PIK3R4: variants seen among roughly 807,000 people sequenced by gnomAD.
PIK3R4 encodes the protein phosphoinositide 3-kinase regulatory subunit 4.
Under a neutral mutation model 136.5 loss-of-function variants are expected in PIK3R4, and 46 were observed. The observed-to-expected ratio is 0.34, with a 90% CI of 0.27 to 0.43. The LOEUF (loss-of-function observed/expected upper bound fraction) is 0.43, where lower values mean the gene tolerates loss of function less well. Ranked by LOEUF, PIK3R4 falls within the 20% of genes least tolerant of loss-of-function variation. PIK3R4 has a pLI of 1.00. For synonymous variants in PIK3R4, 557 were observed against 566.7 expected, an observed-to-expected ratio of 0.98 and a Z score of 0.24; for missense variants, 1,331 against 1,649.5, an observed-to-expected ratio of 0.81 and a Z score of 3.35.
In PIK3R4 at chr3:130,705,646, C is replaced by G; in HGVS notation, c.2847G>C (p.Gln949His). ...TCKTELQQLIQQKREQCNAER... is the reference protein window; with the variant it reads ...TCKTELQQLIHQKREQCNAER... ...CAGCATTGCACTGCTCCCGCTTTTGCTGGATGAGTTGCTGAAGTTCAGTTT... is the reference window on the plus strand; with the variant it reads ...CAGCATTGCACTGCTCCCGCTTTTGGTGGATGAGTTGCTGAAGTTCAGTTT... Residue 949 changes from glutamine to histidine, a missense_variant, in exon 12 of 20, where the codon CAG becomes CAC. By Grantham distance (24) the Gln-to-His change is conservative. Coordinates refer to ENST00000356763, the MANE Select transcript of PIK3R4 (RefSeq NM_014602.3). 1 of 1,613,602 alleles carries G rather than the reference C, an allele frequency of 6.2e-7. No individual in the cohort carries two copies. The highest frequency in any genetic ancestry group is 8.5e-7 in the Non-Finnish European group (1 of 1,179,540).
In PIK3R4 at chr3:130,681,608, C is replaced by A; in HGVS notation, c.3608-17G>T. 6.8e-7 allele frequency: 1 copy of A among 1,464,888 alleles called. No homozygotes were observed. Among genetic ancestry groups the A allele is most frequent in the Non-Finnish European group, 9.5e-7 (1 of 1,048,980 alleles). The allele number at this position is 1,464,888 out of a possible 1,614,324, so 90.7% of individuals were successfully genotyped here. ...CCTGAACAGCTAAAGGAAACAAAGGCCAGAATCTTGACTCAGACAAAAAGA... is the reference window on the plus strand; with the variant it reads ...CCTGAACAGCTAAAGGAAACAAAGGACAGAATCTTGACTCAGACAAAAAGA... On this transcript the variant is annotated splice_polypyrimidine_tract_variant and intron_variant, in intron 16 of 19. Coordinates refer to ENST00000356763, the MANE Select transcript of PIK3R4 (RefSeq NM_014602.3).
intron 13 of PIK3R4, among the ~76,000 whole-genome samples, chr3:130,703,167 G>T (rs1000165057): frequency 6.6e-5 from 10 of 151,998 alleles, no homozygotes; most frequent in Admixed American, 5.2e-4. Flanking sequence ...ACCTCACTCA[G>T]AGTCAAGGTC....
Position 130,686,453 on chromosome 3 carries a change from C to T in PIK3R4, c.3264-31G>A, listed in dbSNP as rs188472605. On this transcript the variant is annotated intron_variant, in intron 14 of 19. Coordinates refer to ENST00000356763, the MANE Select transcript of PIK3R4 (RefSeq NM_014602.3). Reference sequence around the variant, plus strand: ...GAAATACACAAAGCACAGACGTTTCCAGTCACTGAAAACATAGCACTAGTC... The same window carrying T: ...GAAATACACAAAGCACAGACGTTTCTAGTCACTGAAAACATAGCACTAGTC... The T allele has an allele frequency of 2.6e-3, 3,541 of 1,366,558 alleles. 7 individuals carry two copies. The highest frequency in any genetic ancestry group is 5.8e-3 in the South Asian group (494 of 85,904). 84.7% of individuals were successfully genotyped at this position (1,366,558 alleles called of 1,614,324 possible).
chr3:130,726,082 A>G (rs1320485946), intron 6 of PIK3R4: 1 of 152,100 alleles, frequency 6.6e-6, no homozygotes, highest in African/African-American at 2.4e-5. Context: ...CTATCCTAAG[A>G]AAATAATCAG....
intron 11 of PIK3R4, 82 bp downstream of exon 11, chr3:130,706,866 C>T: frequency 1.9e-6 from 2 of 1,079,486 alleles, no homozygotes. Flanking sequence ...TTTTCCACTA[C>T]AGTACACAGC....
intron 14 of PIK3R4, 125 bp downstream of exon 14, chr3:130,690,365 T>C (rs2066509584): frequency 2.3e-6 from 1 of 444,238 alleles, no homozygotes. Context: ...TTTTATGGGC[T>C]TAAAAAAAGA....
chr3:130,714,396 T>C (rs781245929), intron 9 of PIK3R4, among the ~76,000 whole-genome samples: 1 of 152,148 alleles, frequency 6.6e-6, no homozygotes, highest in Non-Finnish European at 1.5e-5. Context: ...AGATTTAACA[T>C]TTCTTTTTTT....
In PIK3R4 at chr3:130,690,612, C is replaced by T. The variant is rs147413868; in HGVS notation, c.3141G>A (p.Thr1047=). The change falls in exon 14 of 20, where the codon ACG becomes ACA. Residue 1047 remains threonine, a synonymous_variant. Coordinates refer to ENST00000356763, the MANE Select transcript of PIK3R4 (RefSeq NM_014602.3). The stretch of plus-strand genomic sequence containing the variant: ...AGTGGGAGCCTTGGCAGAATGTGAG[C>T]GTCTTGACTCGTCCTCCAATTCGGC... The part of the protein sequence containing the change: ...TYSRIGGRVK[T]LTFCQGSHYL... The T allele has an allele frequency of 3.7e-5, 59 of 1,610,378 alleles. No homozygotes were observed. The Middle Eastern group carries it at 5.0e-4, about 14-fold the overall frequency.
intron 17 of PIK3R4, 28 bp from the exon 18 acceptor site, chr3:130,681,093 TAA>T: frequency 1.7e-6 from 2 of 1,196,178 alleles, no homozygotes; most frequent in Non-Finnish European, 1.3e-6. Context: ...TGGAGTCAAA[TAA>T]AAGACATCCG....
intron 13 of PIK3R4, among the ~76,000 whole-genome samples, chr3:130,701,999 G>A (rs2066577225): frequency 6.6e-6 from 1 of 151,994 alleles, no homozygotes; most frequent in African/African-American, 2.4e-5. Context: ...TAATTAGCTG[G>A]GTGTGGTGGC....
intron 11 of PIK3R4, 94 bp from the exon 12 acceptor site, chr3:130,705,865 A>T (rs1404324383): frequency 1.5e-6 from 1 of 678,052 alleles, no homozygotes; most frequent in Non-Finnish European, 2.5e-6. Flanking sequence ...AAATTATAAC[A>T]GCTTTTTGTC....
intron 17 of PIK3R4, 55 bp from the exon 18 acceptor site, chr3:130,681,120 G>T: frequency 1.0e-6 from 1 of 976,076 alleles, no homozygotes. Flanking sequence ...TTCCATAAAT[G>T]ATAGTGCTAT....
At chr3:130,697,227 G>A (rs1029530534) in intron 13 of PIK3R4, among the ~76,000 whole-genome samples, 26 of 151,768 alleles carry the variant, frequency 1.7e-4, no homozygotes, top group Non-Finnish European at 2.8e-4. Flanking sequence ...GTGCCACCAC[G>A]CCTGGCAAAA....
chr3:130,737,036 T>G (rs1260412052), intron 2 of PIK3R4, among the ~76,000 whole-genome samples: 3 of 152,168 alleles, frequency 2.0e-5, no homozygotes, highest in Non-Finnish European at 4.4e-5. Context: ...ATTTAACAAG[T>G]CTAAAGAGAT....
Position 130,710,910 on chromosome 3 carries a change from A to C in PIK3R4, c.2332-2418T>G, listed in dbSNP as rs2066629341. 2.6e-5 allele frequency among the ~76,000 whole-genome samples: 4 copies of C among 152,122 alleles called. No individual in the cohort carries two copies. In the South Asian group the frequency reaches 8.3e-4, roughly 32 times the overall value. Reference sequence around the variant, plus strand: ...GTGACAAGCTGACTTGAAAAAAATCACTTGGAAAATGGAAAATGTGTAAGA... The same window carrying C: ...GTGACAAGCTGACTTGAAAAAAATCCCTTGGAAAATGGAAAATGTGTAAGA... On this transcript the variant is annotated intron_variant, in intron 9 of 19. Transcript: ENST00000356763.
intron 15 of PIK3R4, among the ~76,000 whole-genome samples, chr3:130,684,674 C>G (rs970940994): frequency 1.3e-5 from 2 of 152,156 alleles, no homozygotes; most frequent in African/African-American, 4.8e-5. Flanking sequence ...CGAAGGCACC[C>G]ACAAAAACAG....
chr3:130,713,057 T>C (rs1156898649), intron 9 of PIK3R4, among the ~76,000 whole-genome samples: 7 of 152,232 alleles, frequency 4.6e-5, no homozygotes, highest in South Asian at 2.1e-4. Flanking sequence ...ATCTATAAAA[T>C]AGGAATAACA....
Position 130,681,215 on chromosome 3 carries a change from A to G in PIK3R4, c.3709-150T>C, listed in dbSNP as rs2066456386. The G allele has an allele frequency of 2.3e-5, 15 of 658,806 alleles. No individual in the cohort carries two copies. The South Asian group carries it at 2.3e-4, about 10-fold the overall frequency. 40.8% of individuals were successfully genotyped at this position (658,806 alleles called of 1,614,324 possible). On this transcript the variant is annotated intron_variant, in intron 17 of 19. Transcript: ENST00000356763. Reference sequence around the variant, plus strand: ...GAGACCAGTTATGTATGCCCTATCTACTTCAATCTGGCCTTTTCCTAATTA... The same window carrying G: ...GAGACCAGTTATGTATGCCCTATCTGCTTCAATCTGGCCTTTTCCTAATTA...
At position 130,733,935 on chromosome 3, in the gene PIK3R4, GAAT is replaced by G. The variant is rs760693698; in HGVS notation, c.1060_1062del (p.Ile354del). The G allele has an allele frequency of 6.2e-7, 1 of 1,614,098 alleles. No individual in the cohort carries two copies. The highest frequency in any genetic ancestry group is 1.1e-5 in the South Asian group (1 of 91,072). Reference sequence around the variant, plus strand: ...GGCAGATCATGTCCACAGAGATTGTGAATAATGTTGCCCAAATCCTTCCGTATA... The same window carrying G: ...GGCAGATCATGTCCACAGAGATTGTGAATGTTGCCCAAATCCTTCCGTATA... On this transcript the variant is annotated inframe_deletion, in exon 4 of 20. Transcript: ENST00000356763.
Sources: gnomAD v4.1 joint callset for allele counts (sites outside exome capture counted in the v4.1 genomes callset) on GRCh38, gnomAD v4.1.1 for gene constraint, MANE v1.5 for transcripts, NCBI Gene and HGNC (gene_info 2026-07-23, HGNC 2026-07-21) for gene names.